The following CABLES1 variants were observed in gnomAD, a reference collection of about 807,000 sequenced individuals.
CABLES1 encodes the protein CDK5 and ABL1 enzyme substrate 1.
Under a neutral mutation model 57.8 loss-of-function variants are expected in CABLES1, and 36 were observed. The observed-to-expected ratio is 0.62, with a 90% CI of 0.48 to 0.82. The LOEUF (loss-of-function observed/expected upper bound fraction) is 0.82. Ranked by LOEUF, CABLES1 falls within the 40% of genes least tolerant of loss-of-function variation. CABLES1 has a pLI of 0.00. For synonymous variants in CABLES1, 374 were observed against 363.0 expected, an observed-to-expected ratio of 1.03 and a Z score of -0.35; for missense variants, 767 against 836.6, an observed-to-expected ratio of 0.92 and a Z score of 1.03.
chr18:23,151,087 C>T (rs1268359050), intron 1 of CABLES1, among the ~76,000 whole-genome samples: 2 of 144,598 alleles, frequency 1.4e-5, no homozygotes, highest in African/African-American at 5.2e-5. Flanking sequence ...GGCGCGATCT[C>T]GGCTCACTGC....
At chr18:23,177,745 C>G (rs9675978) in intron 1 of CABLES1, among the ~76,000 whole-genome samples, 37 of 152,170 alleles carry the variant, frequency 2.4e-4, no homozygotes, top group Non-Finnish European at 4.7e-4. Flanking sequence ...CCTGCTCCCT[C>G]TGTTAGAGGT....
chr18:23,225,728 A>G (rs2047522808), intron 4 of CABLES1, among the ~76,000 whole-genome samples: 1 of 152,214 alleles, frequency 6.6e-6, no homozygotes, highest in East Asian at 1.9e-4. Context: ...TCTGCCTTTT[A>G]TCCACATTAG....
chr18:23,213,895 C>A, intron 3 of CABLES1, 82 bp from the exon 4 acceptor site: 1 of 878,134 alleles, frequency 1.1e-6, no homozygotes. Context: ...GCCATGAATG[C>A]TTAATTGCTA....
rs1460179428 is a variant in CABLES1, at chr18:23,253,803, T to C, written c.1628T>C (p.Val543Ala). The C allele has an allele frequency of 6.2e-7, 1 of 1,614,236 alleles. No homozygotes were observed. Among genetic ancestry groups the C allele is most frequent in the Admixed American group, 1.7e-5 (1 of 60,030 alleles). The change falls in exon 9 of 10, where the codon GTC becomes GCC. Residue 543 changes from valine (V) to alanine (A), a missense_variant. Coordinates refer to ENST00000256925, the MANE Select transcript of CABLES1 (RefSeq NM_001100619.3). ...GAGCCCACGGTGGCCATGGCCTTCGTCTACTTTGAAAAGCTCGCCCTCAAG... is the reference window on the plus strand; with the variant it reads ...GAGCCCACGGTGGCCATGGCCTTCGCCTACTTTGAAAAGCTCGCCCTCAAG... ...LEEPTVAMAF[V>A]YFEKLALKGK...
intron 9 of CABLES1, among the ~76,000 whole-genome samples, chr18:23,255,454 T>C (rs936594109): frequency 7.9e-5 from 12 of 152,024 alleles, no homozygotes; most frequent in Non-Finnish European, 2.9e-5. Context: ...TGGTACAAAA[T>C]CATCTAGCTT....
chr18:23,257,148 G>A, intron 9 of CABLES1, 79 bp from the exon 10 acceptor site: 1 of 1,515,988 alleles, frequency 6.6e-7, no homozygotes, highest in Admixed American at 1.8e-5. Flanking sequence ...CTGGCTGGTG[G>A]ATAGAGAAGC....
intron 1 of CABLES1, among the ~76,000 whole-genome samples, chr18:23,171,484 A>G (rs2047081981): frequency 6.6e-6 from 1 of 152,230 alleles, no homozygotes; most frequent in African/African-American, 2.4e-5. Context: ...CATTCTCATC[A>G]GCCCTGCTTA....
intron 7 of CABLES1, among the ~76,000 whole-genome samples, chr18:23,249,715 C>A (rs983183237): frequency 7.2e-5 from 11 of 152,202 alleles, no homozygotes. Context: ...GAGTGACTTT[C>A]TCCCTGTTGC....
intron 1 of CABLES1, among the ~76,000 whole-genome samples, chr18:23,139,266 ATTG>A (rs1024564405): frequency 1.3e-5 from 2 of 151,824 alleles, no homozygotes; most frequent in Non-Finnish European, 2.9e-5. Context: ...AGCTGGGTGT[ATTG>A]TTGTGCCCCT....
intron 5 of CABLES1, among the ~76,000 whole-genome samples, 184 bp downstream of exon 5, chr18:23,234,888 A>G (rs957452933): frequency 6.6e-6 from 1 of 152,242 alleles, no homozygotes; most frequent in African/African-American, 2.4e-5. Context: ...GAGTAGCAGC[A>G]TGGCAGGAGT....
intron 7 of CABLES1, among the ~76,000 whole-genome samples, chr18:23,237,595 C>T (rs752599662): frequency 2.0e-5 from 3 of 152,220 alleles, no homozygotes; most frequent in South Asian, 2.1e-4. Context: ...AGTCCAGCTC[C>T]GTTTGGAGTT....
At chr18:23,236,129 T>C in intron 6 of CABLES1, 78 bp downstream of exon 6, 1 of 1,488,018 alleles carries the variant, frequency 6.7e-7, no homozygotes, top group African/African-American at 1.4e-5. Flanking sequence ...TGAGTCTCCC[T>C]GTGATGCAGA....
intron 6 of CABLES1, among the ~76,000 whole-genome samples, chr18:23,236,789 G>C (rs1241530675): frequency 6.6e-6 from 1 of 152,180 alleles, no homozygotes; most frequent in Non-Finnish European, 1.5e-5. Flanking sequence ...AATTTGATCT[G>C]CAAGTTTGAA....
chr18:23,190,743 A>G (rs968796726), intron 2 of CABLES1, among the ~76,000 whole-genome samples: 4 of 152,316 alleles, frequency 2.6e-5, no homozygotes, highest in Admixed American at 6.5e-5. Flanking sequence ...AGTTTTAGAA[A>G]TCAAGTGTTT....
intron 1 of CABLES1, among the ~76,000 whole-genome samples, chr18:23,167,766 G>C (rs933049886): frequency 3.9e-5 from 6 of 152,080 alleles, no homozygotes; most frequent in African/African-American, 1.4e-4. Flanking sequence ...GGTGGGAAGC[G>C]GTGGTTCCAA....
At chr18:23,146,190 G>A (rs2046890540) in intron 1 of CABLES1, among the ~76,000 whole-genome samples, 2 of 152,210 alleles carry the variant, frequency 1.3e-5, no homozygotes, top group South Asian at 2.1e-4. Context: ...GGGTGGCGGG[G>A]TAGAGGAACA....
At chr18:23,179,950 G>A (rs970798484) in intron 1 of CABLES1, among the ~76,000 whole-genome samples, 2 of 152,022 alleles carry the variant, frequency 1.3e-5, no homozygotes, top group Admixed American at 6.6e-5. Context: ...ACGGAGTCTC[G>A]CTCTGTTGCC....
chr18:23,203,997 A>G lies in CABLES1; in HGVS notation c.1010+9457A>G, dbSNP rs550214123. On this transcript the variant is annotated intron_variant, in intron 3 of 9. Transcript: ENST00000256925. The stretch of plus-strand genomic sequence containing the variant: ...TCAGTTCTTAACAAAACCCCAGTCT[A>G]GGAGGACAGGGAGTGGACAGCCTGA... Among the ~76,000 whole-genome samples, 6 of 152,290 alleles carry G rather than the reference A, an allele frequency of 3.9e-5. No homozygotes were observed. The South Asian group carries it at 1.2e-3, about 32-fold the overall frequency.
At chr18:23,245,752 C>T (rs1021369613) in intron 7 of CABLES1, among the ~76,000 whole-genome samples, 3 of 152,230 alleles carry the variant, frequency 2.0e-5, no homozygotes, top group East Asian at 3.8e-4. Context: ...TTTCCCTGTA[C>T]GCAGCTGTGC....
Sources: gnomAD v4.1 joint callset for allele counts (sites outside exome capture counted in the v4.1 genomes callset) on GRCh38, gnomAD v4.1.1 for gene constraint, MANE v1.5 for transcripts, NCBI Gene and HGNC (gene_info 2026-07-23, HGNC 2026-07-21) for gene names.